The following ELMO2 variants were observed in gnomAD, a reference collection of about 807,000 sequenced individuals.
ELMO2 encodes the protein engulfment and cell motility protein 2.
In ELMO2, 37 loss-of-function variants were observed where a neutral mutation model predicts 96.2. The observed-to-expected ratio is 0.38, with a 90% CI of 0.30 to 0.51. The LOEUF (loss-of-function observed/expected upper bound fraction) is 0.51. Ranked by LOEUF, ELMO2 falls within the 20% of genes least tolerant of loss-of-function variation. ELMO2 has a pLI of 0.88. For missense variants in ELMO2, 561 were observed against 912.6 expected (o/e 0.61, Z 4.96); for synonymous variants, 315 against 329.4 (o/e 0.96, Z 0.47).
intron 10 of ELMO2, chr20:46,382,334 C>T: frequency 1.7e-6 from 2 of 1,161,116 alleles, no homozygotes; most frequent in Non-Finnish European, 2.3e-6. Context: ...ATTAACAGAG[C>T]CAAGCCATCC....
intron 11 of ELMO2, among the ~76,000 whole-genome samples, chr20:46,378,808 C>T (rs1277567547): frequency 1.3e-5 from 2 of 152,210 alleles, no homozygotes; most frequent in East Asian, 3.9e-4. Flanking sequence ...TCACTTAGTC[C>T]TCATATCCAG....
At chr20:46,387,294 G>A in intron 8 of ELMO2, 44 bp downstream of exon 8, 2 of 1,548,090 alleles carry the variant, frequency 1.3e-6, no homozygotes, top group Non-Finnish European at 8.9e-7. Context: ...CTTGTGAACT[G>A]GCAGCTGAGG....
At chr20:46,369,296 C>T (rs1350413545) in intron 20 of ELMO2, 1 of 223,310 alleles carries the variant, frequency 4.5e-6, no homozygotes, top group Non-Finnish European at 9.0e-6. Context: ...ACCAAGATGA[C>T]TAACAACTTC....
At chr20:46,402,889 A>T (rs1055160665) in intron 1 of ELMO2, among the ~76,000 whole-genome samples, 1 of 152,194 alleles carries the variant, frequency 6.6e-6, no homozygotes, top group Non-Finnish European at 1.5e-5. Flanking sequence ...GATGTTTTTG[A>T]GCTTTCTTCC....
chr20:46,391,110 C>G (rs1167445970), intron 6 of ELMO2, among the ~76,000 whole-genome samples: 1 of 152,122 alleles, frequency 6.6e-6, no homozygotes, highest in South Asian at 2.1e-4. Context: ...GTCGGCACTT[C>G]CATAAAAGTG....
intron 10 of ELMO2, among the ~76,000 whole-genome samples, chr20:46,380,546 C>A (rs1381164170): frequency 6.6e-6 from 1 of 152,184 alleles, no homozygotes; most frequent in Non-Finnish European, 1.5e-5. Context: ...CCTAATGGCA[C>A]AATCAACTCC....
Position 46,375,536 on chromosome 20 carries a change from G to C in ELMO2, c.930+132C>G. Reference sequence around the variant, plus strand: ...AGAAATGGGCTTGGCTCATGGTGCAGATCATGCTAGATTTTCTAGGGCAGA... The same window carrying C: ...AGAAATGGGCTTGGCTCATGGTGCACATCATGCTAGATTTTCTAGGGCAGA... On this transcript the variant is annotated intron_variant, in intron 12 of 21. Coordinates refer to ENST00000290246, the MANE Select transcript of ELMO2 (RefSeq NM_133171.5). This position sits in a 1 kb window ranked among gnomAD's most constrained non-coding sequence, Gnocchi z 4.6. 1.3e-6 allele frequency: 2 copies of C among 1,502,496 alleles called. No individual in the cohort carries two copies. The highest frequency in any genetic ancestry group is 1.8e-6 in the Non-Finnish European group (2 of 1,102,428). The allele number at this position is 1,502,496 out of a possible 1,614,324, so 93.1% of individuals were successfully genotyped here.
chr20:46,406,165 A>T (rs2060437926), intron 1 of ELMO2, among the ~76,000 whole-genome samples: 2 of 151,120 alleles, frequency 1.3e-5, no homozygotes, highest in Admixed American at 1.3e-4. Flanking sequence ...GCCCGCCCCG[A>T]GCGCTCTCCG....
At position 46,375,992 on chromosome 20, in the gene ELMO2, G is replaced by A. The variant is rs1291726810; in HGVS notation, c.808-202C>T. On this transcript the variant is annotated intron_variant, in intron 11 of 21. Coordinates refer to ENST00000290246, the MANE Select transcript of ELMO2 (RefSeq NM_133171.5). The surrounding 1 kb of genome is among the most constrained non-coding windows in gnomAD (Gnocchi z 4.6). Reference sequence around the variant, plus strand: ...ATGACTCACTGCAGGCCTGAAAGGCGCCATCCCTTCCTCTGCATTCCCCTG... The same window carrying A: ...ATGACTCACTGCAGGCCTGAAAGGCACCATCCCTTCCTCTGCATTCCCCTG... Among the ~76,000 whole-genome samples the A allele has an allele frequency of 1.3e-5, 2 of 152,218 alleles. No homozygotes were observed. The highest frequency in any genetic ancestry group is 2.4e-5 in the African/African-American group (1 of 41,452).
rs563630200 is a variant in ELMO2, at chr20:46,370,388, A to G, written c.1884+55T>C. On this transcript the variant is annotated intron_variant, in intron 20 of 21. Coordinates refer to ENST00000290246, the MANE Select transcript of ELMO2 (RefSeq NM_133171.5). The stretch of plus-strand genomic sequence containing the variant: ...ATGCACCTGGAAAAAACCACCACCA[A>G]TGGCACTCTCCAAGTATCACTGGGC... 140 of 1,519,418 alleles carry G rather than the reference A, an allele frequency of 9.2e-5. No homozygotes were observed. In the African/African-American group the frequency reaches 1.2e-3, roughly 14 times the overall value. The allele number at this position is 1,519,418 out of a possible 1,614,324, so 94.1% of individuals were successfully genotyped here.
chr20:46,397,636 G>A (rs1289891822), intron 2 of ELMO2, among the ~76,000 whole-genome samples: 8 of 152,138 alleles, frequency 5.3e-5, no homozygotes, highest in African/African-American at 9.7e-5. Context: ...GCACCATTAC[G>A]CTCCAGCCTG....
At chr20:46,389,251 C>T in intron 6 of ELMO2, 31 bp from the exon 7 acceptor site, 1 of 1,604,524 alleles carries the variant, frequency 6.2e-7, no homozygotes. Context: ...TATGTGCCAT[C>T]TGCTCCTTGG....
Position 46,371,779 on chromosome 20 carries a change from G to A in ELMO2, c.1580+27C>T, listed in dbSNP as rs370879690. On this transcript the variant is annotated intron_variant, in intron 17 of 21. Transcript: ENST00000290246. This position sits in a 1 kb window ranked among gnomAD's most constrained non-coding sequence, Gnocchi z 5.9. ...AGCAGAGCTGGCAGCCACCTCCCCC[G>A]CCAGCCTCCCCTGAGATGGAACTTA... is the stretch of plus-strand genomic sequence containing the variant. 57 of 1,613,722 alleles carry A rather than the reference G, an allele frequency of 3.5e-5. No individual in the cohort carries two copies. The highest frequency in any genetic ancestry group is 1.6e-4 in the Middle Eastern group (1 of 6,078).
intron 19 of ELMO2, among the ~76,000 whole-genome samples, chr20:46,370,950 C>T (rs1037283335): frequency 1.3e-4 from 20 of 152,190 alleles, no homozygotes; most frequent in African/African-American, 4.3e-4. Context: ...ATGCAATCCT[C>T]TTAGGAGGAA....
chr20:46,382,902 AT>A (rs2145805998), intron 10 of ELMO2, among the ~76,000 whole-genome samples: 1 of 152,272 alleles, frequency 6.6e-6, no homozygotes, highest in South Asian at 2.1e-4. Flanking sequence ...TAAACCTAAG[AT>A]TTAGTGTGAA....
At chr20:46,405,572 T>C (rs764806792) in intron 1 of ELMO2, among the ~76,000 whole-genome samples, 4 of 152,174 alleles carry the variant, frequency 2.6e-5, no homozygotes, top group South Asian at 2.1e-4. Flanking sequence ...GCCAGTTTCA[T>C]GCCCTAAGCA....
chr20:46,387,632 CAAAAAAA>C, intron 7 of ELMO2, 195 bp from the exon 8 acceptor site: 2 of 105,780 alleles, frequency 1.9e-5, no homozygotes, highest in Non-Finnish European at 3.7e-5. Context: ...TCTATCGCTG[CAAAAAAA>C]AAAAAAAAAA....
intron 21 of ELMO2, among the ~76,000 whole-genome samples, chr20:46,368,673 A>G (rs1409188837): frequency 7.4e-6 from 1 of 136,048 alleles, no homozygotes; most frequent in Non-Finnish European, 1.6e-5. Flanking sequence ...TTATGTAATG[A>G]TACCTGCTGC....
At chr20:46,401,020 T>TA (rs2060326268) in intron 1 of ELMO2, among the ~76,000 whole-genome samples, 1 of 152,210 alleles carries the variant, frequency 6.6e-6, no homozygotes, top group Non-Finnish European at 1.5e-5. Flanking sequence ...CCTATTCCTT[T>TA]CAGGATAAGA....
Sources: allele counts gnomAD v4.1 joint callset (sites outside exome capture counted in the v4.1 genomes callset), GRCh38; gene constraint gnomAD v4.1.1; non-coding constraint Gnocchi (gnomAD v3.1); transcripts MANE v1.5; gene names NCBI Gene and HGNC (gene_info 2026-07-23, HGNC 2026-07-21).